The following CACNA1D variants were observed in gnomAD, a reference collection of about 807,000 sequenced individuals.
CACNA1D encodes the protein calcium voltage-gated channel subunit alpha1 D.
Under a neutral mutation model 257.1 loss-of-function variants are expected in CACNA1D, and 55 were observed. The observed-to-expected ratio is 0.21, with a 90% CI of 0.17 to 0.27. CACNA1D has a LOEUF of 0.27. CACNA1D is among the 10% of genes least tolerant of loss of function. The pLI, the probability that CACNA1D is intolerant of heterozygous loss-of-function variation, is 1.00. For missense variants in CACNA1D, 1,876 were observed against 2,784.0 expected, an observed-to-expected ratio of 0.67 and a Z score of 7.34; for synonymous variants, 980 against 1,014.9, an observed-to-expected ratio of 0.97 and a Z score of 0.65.
At chr3:53,631,658 A>C (rs1278682748) in intron 3 of CACNA1D, among the ~76,000 whole-genome samples, 1 of 152,228 alleles carries the variant, frequency 6.6e-6, no homozygotes, top group Non-Finnish European at 1.5e-5. Flanking sequence ...CTGTAAGAGG[A>C]ATTGCTATCT....
chr3:53,527,081 T>G (rs1359067665), intron 3 of CACNA1D, among the ~76,000 whole-genome samples: 1 of 152,236 alleles, frequency 6.6e-6, no homozygotes. Context: ...CACCAAGTAC[T>G]TTCGTGTCCA....
chr3:53,707,984 T>A (rs2108621523), intron 9 of CACNA1D, among the ~76,000 whole-genome samples: 1 of 152,354 alleles, frequency 6.6e-6, no homozygotes, highest in South Asian at 2.1e-4. Context: ...GGGCAGCCTC[T>A]CTGTCTTCTG....
chr3:53,613,630 G>A (rs1342151853), intron 3 of CACNA1D, among the ~76,000 whole-genome samples: 1 of 152,108 alleles, frequency 6.6e-6, no homozygotes, highest in Admixed American at 6.6e-5. Context: ...TGCTGTGAGT[G>A]TAAGGTGTTT....
intron 4 of CACNA1D, among the ~76,000 whole-genome samples, chr3:53,654,485 T>C (rs1191875804): frequency 6.6e-6 from 1 of 152,216 alleles, no homozygotes; most frequent in Admixed American, 6.5e-5. Flanking sequence ...GATTAAATAT[T>C]ATCTGAAGAT....
chr3:53,722,081 C>A (rs922830742), intron 11 of CACNA1D, among the ~76,000 whole-genome samples: 12 of 152,222 alleles, frequency 7.9e-5, no homozygotes, highest in Admixed American at 7.9e-4. Context: ...TAAGGAAGGA[C>A]TGATAGCATG....
chr3:53,503,732 A>C (rs2090700861), intron 3 of CACNA1D, among the ~76,000 whole-genome samples: 1 of 151,722 alleles, frequency 6.6e-6, no homozygotes, highest in Admixed American at 6.6e-5. Context: ...TCTCCAGTGA[A>C]TCTTTTCTTG....
chr3:53,495,323 G>T lies in CACNA1D; in HGVS notation c.67+90G>T, dbSNP rs952031634. ...CCCCCTTCCCCGCGGCGCTGGATGG[G>T]TTGAGGGGGTTGGAGAGGGTGCTGC... On this transcript the variant is annotated intron_variant, in intron 1 of 47. Coordinates refer to ENST00000350061, the MANE Select transcript of CACNA1D (RefSeq NM_001128840.3). The surrounding 1 kb of genome is among the most constrained non-coding windows in gnomAD (Gnocchi z 5.1). 2 of 1,509,012 alleles carry T rather than the reference G, an allele frequency of 1.3e-6. No individual in the cohort carries two copies. The highest frequency in any genetic ancestry group is 9.2e-7 in the Non-Finnish European group (1 of 1,087,560). The allele number at this position is 1,509,012 out of a possible 1,614,324, so 93.5% of individuals were successfully genotyped here. A position where few individuals can be genotyped will look rare whatever the true frequency, so the allele number is the denominator to read the frequency against.
chr3:53,594,639 G>A (rs914415942), intron 3 of CACNA1D, among the ~76,000 whole-genome samples: 8 of 152,252 alleles, frequency 5.3e-5, no homozygotes, highest in African/African-American at 1.7e-4. Context: ...TTTTCCAGGC[G>A]GAAGGAAGAT....
At chr3:53,623,052 T>G (rs1339460389) in intron 3 of CACNA1D, among the ~76,000 whole-genome samples, 1 of 152,140 alleles carries the variant, frequency 6.6e-6, no homozygotes, top group African/African-American at 2.4e-5. Context: ...CCAACACGTT[T>G]GGCTAATTTT....
Position 53,495,030 on chromosome 3 carries a change from C to A in CACNA1D, c.-137C>A. ...TTCTGTTATTTGTCCCCGTCCCTCC[C>A]CACCCCCCTGCTGAAGCGAGAATAA... On this transcript the variant is annotated 5_prime_UTR_variant, in exon 1 of 48. Coordinates refer to ENST00000350061, the MANE Select transcript of CACNA1D (RefSeq NM_001128840.3). The surrounding 1 kb of genome is among the most constrained non-coding windows in gnomAD (Gnocchi z 5.1). 1 of 505,940 alleles carries A rather than the reference C, an allele frequency of 2.0e-6. No homozygotes were observed. The allele number at this position is 505,940 out of a possible 1,614,324, so 31.3% of individuals were successfully genotyped here. A position where few individuals can be genotyped will look rare whatever the true frequency, so the allele number is the denominator to read the frequency against.
chr3:53,569,835 C>A (rs943451251), intron 3 of CACNA1D, among the ~76,000 whole-genome samples: 1 of 152,132 alleles, frequency 6.6e-6, no homozygotes, highest in African/African-American at 2.4e-5. Flanking sequence ...AGCTACAGAG[C>A]CTTAGTGGAA....
intron 3 of CACNA1D, among the ~76,000 whole-genome samples, chr3:53,568,124 AAAG>A (rs2092879218): frequency 6.6e-6 from 1 of 152,136 alleles, no homozygotes; most frequent in African/African-American, 2.4e-5. Flanking sequence ...AGTTCTGTGG[AAAG>A]AAGATGGGAG....
chr3:53,501,240 A>G (rs1462194682), intron 2 of CACNA1D, among the ~76,000 whole-genome samples: 3 of 152,224 alleles, frequency 2.0e-5, no homozygotes, highest in Non-Finnish European at 4.4e-5. Flanking sequence ...CTCTGTGTCT[A>G]CCACAGCCGG....
At chr3:53,672,800 GTGTGTGTGTGTGTGTGTGTA>G in intron 7 of CACNA1D, among the ~76,000 whole-genome samples, 1 of 148,804 alleles carries the variant, frequency 6.7e-6, no homozygotes, top group Non-Finnish European at 1.5e-5. Context: ...GTGTGTGTGT[GTGTGTGTGTGTGTGTGTGTA>G]TGGATGCTTG....
At chr3:53,563,015 A>G (rs1284882432) in intron 3 of CACNA1D, among the ~76,000 whole-genome samples, 1 of 152,212 alleles carries the variant, frequency 6.6e-6, no homozygotes, top group Non-Finnish European at 1.5e-5. Context: ...GAATTTGCCT[A>G]TATTTAAAGA....
chr3:53,745,885 C>G lies in CACNA1D; in HGVS notation c.3167+10C>G, dbSNP rs372522024. The G allele has an allele frequency of 8.7e-6, 14 of 1,608,412 alleles. No individual in the cohort carries two copies. The East Asian group carries it at 2.9e-4, about 33-fold the overall frequency. On this transcript the variant is annotated intron_variant, in intron 25 of 47. Transcript: ENST00000350061. Reference sequence around the variant, plus strand: ...ACCCTGAAGAATGCAGGTGAGCGTCCTGAGAGTGGAGTAGGGGACTTAGAA... The same window carrying G: ...ACCCTGAAGAATGCAGGTGAGCGTCGTGAGAGTGGAGTAGGGGACTTAGAA...
chr3:53,495,526 C>A lies in CACNA1D; in HGVS notation c.67+293C>A, dbSNP rs2090306939. 6.6e-6 allele frequency among the ~76,000 whole-genome samples: 1 copy of A among 152,064 alleles called. No individual in the cohort carries two copies. Among genetic ancestry groups the A allele is most frequent in the Non-Finnish European group, 1.5e-5 (1 of 67,994 alleles). On this transcript the variant is annotated intron_variant, in intron 1 of 47. Coordinates refer to ENST00000350061, the MANE Select transcript of CACNA1D (RefSeq NM_001128840.3). The surrounding 1 kb of genome is among the most constrained non-coding windows in gnomAD (Gnocchi z 5.1). The stretch of plus-strand genomic sequence containing the variant: ...CGGGGTGATTCGGGTTCAGTGTCCT[C>A]GGGCTCAACTTTCCTTCAACGCCCC...
At chr3:53,666,232 G>A in intron 6 of CACNA1D, 107 bp from the exon 7 acceptor site, 1 of 998,036 alleles carries the variant, frequency 1.0e-6, no homozygotes, top group Non-Finnish European at 1.6e-6. Context: ...CAACGCAGAT[G>A]GGGCGGTAGG....
At chr3:53,555,651 C>A (rs2092631151) in intron 3 of CACNA1D, among the ~76,000 whole-genome samples, 2 of 151,798 alleles carry the variant, frequency 1.3e-5, no homozygotes, top group Admixed American at 1.3e-4. Context: ...TTCTCACCAC[C>A]CCCTCCTCCC....
Sources: gnomAD v4.1 joint callset for allele counts (sites outside exome capture counted in the v4.1 genomes callset) on GRCh38, gnomAD v4.1.1 for gene constraint, Gnocchi (gnomAD v3.1) non-coding constraint, MANE v1.5 for transcripts, NCBI Gene and HGNC (gene_info 2026-07-23, HGNC 2026-07-21) for gene names.